The following CACNB4 variants were observed in gnomAD, a reference collection of about 807,000 sequenced individuals.
The protein encoded by CACNB4 is voltage-dependent L-type calcium channel subunit beta-4.
Under a neutral mutation model 71.2 loss-of-function variants are expected in CACNB4, and 32 were observed. That is an observed-to-expected ratio of 0.45 (90% CI 0.34 to 0.60). The LOEUF (loss-of-function observed/expected upper bound fraction) is 0.60. CACNB4 is among the 20% of genes least tolerant of loss of function. The pLI is 0.01. For synonymous variants in CACNB4, 231 were observed against 236.9 expected, an observed-to-expected ratio of 0.97 and a Z score of 0.23; for missense variants, 464 against 647.9, an observed-to-expected ratio of 0.72 and a Z score of 3.08.
At chr2:152,091,851 G>A (rs1687990108) in intron 2 of CACNB4, among the ~76,000 whole-genome samples, 1 of 152,168 alleles carries the variant, frequency 6.6e-6, no homozygotes. Flanking sequence ...CCTACAAGAA[G>A]CTAACCAAGC....
intron 2 of CACNB4, among the ~76,000 whole-genome samples, chr2:151,982,768 T>C (rs2099874951): frequency 6.6e-6 from 1 of 152,178 alleles, no homozygotes. Context: ...AGCTTCTGCA[T>C]TGTTAGATGA....
In CACNB4 at chr2:152,080,450, A is replaced by G. The variant is rs995763053; in HGVS notation, c.147+17880T>C. 2.6e-5 allele frequency among the ~76,000 whole-genome samples: 4 copies of G among 152,232 alleles called. No individual in the cohort carries two copies. In the East Asian group the frequency reaches 7.7e-4, roughly 29 times the overall value. On this transcript the variant is annotated intron_variant, in intron 2 of 13. Coordinates refer to ENST00000539935, the MANE Select transcript of CACNB4 (RefSeq NM_000726.5). ...TACTGTCTTATACAGTGTCAACTCT[A>G]TGAGAACATGGGAGAAGTTTCTCTC...
intron 2 of CACNB4, among the ~76,000 whole-genome samples, chr2:152,033,556 CT>C (rs1456326502): frequency 6.6e-6 from 1 of 152,224 alleles, no homozygotes; most frequent in Admixed American, 6.5e-5. Context: ...TCACTGTGAT[CT>C]GGGTAAATAC....
chr2:151,898,450 C>A (rs1017263537), intron 2 of CACNB4, among the ~76,000 whole-genome samples: 2 of 152,128 alleles, frequency 1.3e-5, no homozygotes, highest in African/African-American at 4.8e-5. Flanking sequence ...ACGAGCCAAC[C>A]CACCACAAAC....
intron 10 of CACNB4, among the ~76,000 whole-genome samples, chr2:151,855,862 G>C (rs2099840159): frequency 6.6e-6 from 1 of 152,042 alleles, no homozygotes; most frequent in Admixed American, 6.6e-5. Context: ...CATCTGTTTT[G>C]ACTGATATGC....
chr2:151,928,241 T>C (rs2099860747), intron 2 of CACNB4, among the ~76,000 whole-genome samples: 1 of 152,240 alleles, frequency 6.6e-6, no homozygotes, highest in African/African-American at 2.4e-5. Flanking sequence ...TTTCTATTAC[T>C]GAATGACTAT....
chr2:152,056,703 T>C (rs1179632076), intron 2 of CACNB4, among the ~76,000 whole-genome samples: 1 of 152,194 alleles, frequency 6.6e-6, no homozygotes, highest in Non-Finnish European at 1.5e-5. Flanking sequence ...TGCTGCTCTT[T>C]ATGCTCCAGT....
At position 151,952,682 on chromosome 2, in the gene CACNB4, A is replaced by G. The variant is rs568482555; in HGVS notation, c.148-69312T>C. ...TTAATGGGCTGCCCCAGAAGGAAAC[A>G]GGAGCGAATGCACCAGAAGGCAAAT... On this transcript the variant is annotated intron_variant, in intron 2 of 13. Transcript: ENST00000539935. Among the ~76,000 whole-genome samples the G allele has an allele frequency of 3.3e-5, 5 of 152,356 alleles. No individual in the cohort carries two copies. In the South Asian group the frequency reaches 1.0e-3, roughly 32 times the overall value.
intron 2 of CACNB4, among the ~76,000 whole-genome samples, chr2:151,895,227 CA>C (rs2099851758): frequency 6.6e-6 from 1 of 151,552 alleles, no homozygotes; most frequent in African/African-American, 2.4e-5. Context: ...GTACCTAAAA[CA>C]GCATGGTATT....
chr2:151,872,326 G>A (rs1305980490), intron 6 of CACNB4, 91 bp downstream of exon 6: 1 of 728,202 alleles, frequency 1.4e-6, no homozygotes, highest in Non-Finnish European at 2.4e-6. Flanking sequence ...CCTTCAAATT[G>A]TTTCCAAATT....
intron 2 of CACNB4, among the ~76,000 whole-genome samples, chr2:151,899,630 T>C (rs1280567597): frequency 6.6e-6 from 1 of 152,196 alleles, no homozygotes; most frequent in African/African-American, 2.4e-5. Context: ...CCCCTTCAGG[T>C]GGTCGTATGT....
chr2:152,039,397 C>T (rs1684761868), intron 2 of CACNB4, among the ~76,000 whole-genome samples: 3 of 144,010 alleles, frequency 2.1e-5, no homozygotes, highest in Admixed American at 7.1e-5. Context: ...GCCTGGGCGA[C>T]AGAGCAAGAC....
intron 2 of CACNB4, among the ~76,000 whole-genome samples, chr2:151,887,115 T>C (rs996607043): frequency 1.3e-5 from 2 of 152,092 alleles, no homozygotes; most frequent in Non-Finnish European, 2.9e-5. Flanking sequence ...GAATGTTAGA[T>C]GCTAAGAGAA....
intron 3 of CACNB4, chr2:151,882,937 T>C (rs931765084): frequency 7.9e-6 from 3 of 381,468 alleles, no homozygotes; most frequent in South Asian, 2.3e-5. Flanking sequence ...GGGCCAGGAA[T>C]AGGCAGGGCC....
intron 2 of CACNB4, among the ~76,000 whole-genome samples, chr2:151,963,311 C>CAA (rs71410446): frequency 0.029 from 1,704 of 59,602 alleles, 40 homozygotes; most frequent in African/African-American, 0.044. Context: ...GACACCGTCT[C>CAA]AAAAAAAAAA....
intron 2 of CACNB4, among the ~76,000 whole-genome samples, chr2:152,095,643 G>C (rs1688224553): frequency 6.6e-6 from 1 of 152,012 alleles, no homozygotes; most frequent in African/African-American, 2.4e-5. Flanking sequence ...TACAAATAAT[G>C]AGACTCTGTT....
At chr2:151,865,647 G>A (rs1350180355) in intron 9 of CACNB4, 1 of 152,176 alleles carries the variant, frequency 6.6e-6, no homozygotes, top group Non-Finnish European at 1.5e-5. Context: ...GTGAAATGAA[G>A]AGAGAAGCTC....
At chr2:151,971,995 G>A (rs1036784793) in intron 2 of CACNB4, 4 of 179,902 alleles carry the variant, frequency 2.2e-5, no homozygotes, top group African/African-American at 9.8e-5. Flanking sequence ...TACTGCCACC[G>A]AGTCAAGTCA....
chr2:151,958,466 G>A (rs1289435493), intron 2 of CACNB4, among the ~76,000 whole-genome samples: 6 of 152,114 alleles, frequency 3.9e-5, no homozygotes, highest in Non-Finnish European at 8.8e-5. Flanking sequence ...TCCGGGACCT[G>A]GCTTCTAACC....
Sources: allele counts gnomAD v4.1 joint callset (sites outside exome capture counted in the v4.1 genomes callset), GRCh38; gene constraint gnomAD v4.1.1; transcripts MANE v1.5; gene names NCBI Gene and HGNC (gene_info 2026-07-23, HGNC 2026-07-21).